TCERG1: variants seen among roughly 807,000 people sequenced by gnomAD.
The protein encoded by TCERG1 is transcription elongation regulator 1, also known as TATA box binding protein (TBP)-associated factor, RNA polymerase II, S, 150kD.
TCERG1 carries 37 observed loss-of-function variants against 144.7 expected under a neutral mutation model. That is an observed-to-expected ratio of 0.26 (90% CI 0.20 to 0.34). TCERG1 has a LOEUF of 0.34. Ranked by LOEUF, TCERG1 falls within the 10% of genes least tolerant of loss-of-function variation. The probability of loss-of-function intolerance (pLI) is 1.00; values close to 1 mark genes in which losing one functional copy is unlikely to be tolerated. For synonymous variants in TCERG1, 492 were observed against 458.2 expected (o/e 1.07, Z -0.94); for missense variants, 1,027 against 1,380.7 (o/e 0.74, Z 4.06).
At chr5:146,505,700 CT>C (rs1767921808) in intron 19 of TCERG1, 1 of 142,204 alleles carries the variant, frequency 7.0e-6, no homozygotes, top group Non-Finnish European at 1.5e-5. Context: ...TTAGACCACC[CT>C]TGTGCTCAGC....
At position 146,507,516 on chromosome 5, in the gene TCERG1, A is replaced by G. The variant is rs917623601; in HGVS notation, c.2961+309A>G. On this transcript the variant is annotated intron_variant, in intron 20 of 22. Transcript: ENST00000679501. This position sits in a 1 kb window ranked among gnomAD's most constrained non-coding sequence, Gnocchi z 4.6. The stretch of plus-strand genomic sequence containing the variant: ...TTTGATCCATTTTCAATTTGGTACT[A>G]TGGCCTCTTGTTCGGCAGTTTGTAC... 5.8e-6 allele frequency: 2 copies of G among 344,760 alleles called. No homozygotes were observed. The highest frequency in any genetic ancestry group is 5.2e-6 in the Non-Finnish European group (1 of 193,506). The allele number at this position is 344,760 out of a possible 1,614,324, so 21.4% of individuals were successfully genotyped here. A position where few individuals can be genotyped will look rare whatever the true frequency, so the allele number is the denominator to read the frequency against.
At chr5:146,476,660 A>T (rs1298834360) in intron 9 of TCERG1, among the ~76,000 whole-genome samples, 2 of 152,228 alleles carry the variant, frequency 1.3e-5, no homozygotes, top group African/African-American at 2.4e-5. Context: ...AGTATTGTAC[A>T]TGAAAAGCTA....
At chr5:146,493,888 G>A (rs952393290) in intron 16 of TCERG1, among the ~76,000 whole-genome samples, 2 of 152,034 alleles carry the variant, frequency 1.3e-5, no homozygotes, top group East Asian at 3.9e-4. Flanking sequence ...TAGCATCATG[G>A]AGTCTCTGGG....
chr5:146,499,672 A>G (rs1451991736), intron 17 of TCERG1: 1 of 152,226 alleles, frequency 6.6e-6, no homozygotes, highest in Non-Finnish European at 1.5e-5. Context: ...TTTTAGAATA[A>G]CCTATTTAAG....
chr5:146,499,351 C>G (rs1403004262), intron 17 of TCERG1, among the ~76,000 whole-genome samples: 1 of 152,146 alleles, frequency 6.6e-6, no homozygotes, highest in Non-Finnish European at 1.5e-5. Context: ...TTAAAATTGC[C>G]TCTTATTCCA....
chr5:146,507,960 A>C lies in TCERG1; in HGVS notation c.3045+4A>C. On this transcript the variant is annotated splice_donor_region_variant and intron_variant, in intron 21 of 22. Coordinates refer to ENST00000679501, the MANE Select transcript of TCERG1 (RefSeq NM_001382548.1). The surrounding 1 kb of genome is among the most constrained non-coding windows in gnomAD (Gnocchi z 4.6). ...TAAGTTCTCCTCCAGTGACAGGGTAAGAGGATTTTGTGTCGAGATTTACTG... is the reference window on the plus strand; with the variant it reads ...TAAGTTCTCCTCCAGTGACAGGGTACGAGGATTTTGTGTCGAGATTTACTG... 1 of 1,599,484 alleles carries C rather than the reference A, an allele frequency of 6.3e-7. No homozygotes were observed. Among genetic ancestry groups the C allele is most frequent in the South Asian group, 1.1e-5 (1 of 87,770 alleles).
At position 146,483,557 on chromosome 5, in the gene TCERG1, G is replaced by A. The variant is rs777818470; in HGVS notation, c.2091G>A (p.Thr697=). ...TTTTAAAGGTGTCTGCTTTTTCAAC[G>A]TGGGAGAAGGAGTTGCACAAGATAG... ...LLERGVSAFS[T]WEKELHKIVF... The change falls in exon 15 of 23, where the codon ACG becomes ACA. Residue 697 remains threonine (T), a synonymous_variant. Transcript: ENST00000679501. The A allele has an allele frequency of 1.4e-5, 23 of 1,612,080 alleles. No individual in the cohort carries two copies. Among genetic ancestry groups the A allele is most frequent in the East Asian group, 8.9e-5 (4 of 44,744 alleles).
intron 1 of TCERG1, among the ~76,000 whole-genome samples, chr5:146,448,924 TA>T (rs1384344679): frequency 2.0e-5 from 3 of 152,180 alleles, no homozygotes; most frequent in Admixed American, 1.3e-4. Context: ...TCTAAAGCTT[TA>T]AAAAAATCCA....
chr5:146,469,626 T>G lies in TCERG1; in HGVS notation c.1281T>G (p.Ala427=). 1 of 1,613,652 alleles carries G rather than the reference T, an allele frequency of 6.2e-7. No homozygotes were observed. Among genetic ancestry groups the G allele is most frequent in the Non-Finnish European group, 8.5e-7 (1 of 1,179,750 alleles). Residue 427 remains alanine, a synonymous_variant, in exon 7 of 23, where the codon GCT becomes GCG. Transcript: ENST00000679501. ...VAIAASPATL[A]GATAVSEWTE... is the part of the protein sequence containing the mutation. The stretch of plus-strand genomic sequence containing the variant: ...TTGCAGCTTCACCTGCTACCTTAGC[T>G]GGAGCAACAGCAGTTTCTGAATGGA...
intron 9 of TCERG1, among the ~76,000 whole-genome samples, chr5:146,473,498 G>C (rs1360725800): frequency 6.6e-6 from 1 of 152,204 alleles, no homozygotes; most frequent in African/African-American, 2.4e-5. Context: ...CTAAACAAGA[G>C]ATTTTCAGTG....
intron 1 of TCERG1, among the ~76,000 whole-genome samples, chr5:146,449,104 T>C (rs1472272788): frequency 6.6e-6 from 1 of 152,210 alleles, no homozygotes; most frequent in Non-Finnish European, 1.5e-5. Flanking sequence ...CTCATGAAAT[T>C]AGGTGTGTAT....
chr5:146,455,913 G>A (rs1375119980), intron 2 of TCERG1, among the ~76,000 whole-genome samples: 1 of 152,188 alleles, frequency 6.6e-6, no homozygotes, highest in African/African-American at 2.4e-5. Flanking sequence ...CTGAGGTGAG[G>A]TCATGAAGGT....
chr5:146,494,923 C>A (rs1306771724), intron 16 of TCERG1, among the ~76,000 whole-genome samples: 1 of 152,028 alleles, frequency 6.6e-6, no homozygotes, highest in Non-Finnish European at 1.5e-5. Flanking sequence ...TATTTTTTAT[C>A]CTGTTTGTTT....
At position 146,507,310 on chromosome 5, in the gene TCERG1, C is replaced by A; in HGVS notation, c.2961+103C>A. 1 of 1,093,344 alleles carries A rather than the reference C, an allele frequency of 9.1e-7. No homozygotes were observed. The highest frequency in any genetic ancestry group is 1.9e-5 in the South Asian group (1 of 51,764). The allele number at this position is 1,093,344 out of a possible 1,614,324, so 67.7% of individuals were successfully genotyped here. A position where few individuals can be genotyped will look rare whatever the true frequency, so the allele number is the denominator to read the frequency against. ...TTTTTAGTGTCATGGTCTTTAGATT[C>A]ATTACTGGAATGCATCTTATGACAA... On this transcript the variant is annotated intron_variant, in intron 20 of 22. Coordinates refer to ENST00000679501, the MANE Select transcript of TCERG1 (RefSeq NM_001382548.1). The surrounding 1 kb of genome is among the most constrained non-coding windows in gnomAD (Gnocchi z 4.6).
At chr5:146,487,277 A>G (rs1765928192) in intron 15 of TCERG1, among the ~76,000 whole-genome samples, 2 of 152,186 alleles carry the variant, frequency 1.3e-5, no homozygotes, top group African/African-American at 4.8e-5. Context: ...CCCCATAAGG[A>G]AGATTATAAG....
intron 15 of TCERG1, 40 bp downstream of exon 15, chr5:146,483,669 T>G (rs200947301): frequency 1.1e-4 from 158 of 1,485,176 alleles, no homozygotes; most frequent in Non-Finnish European, 1.4e-4. Context: ...GTATATCTCT[T>G]GCCAACATAG....
intron 9 of TCERG1, 65 bp from the exon 10 acceptor site, chr5:146,478,428 A>G: frequency 6.9e-7 from 1 of 1,453,384 alleles, no homozygotes; most frequent in Admixed American, 2.5e-5. Context: ...AACAGGCTGA[A>G]AGAAGTCCTA....
chr5:146,484,962 T>C (rs1765696001), intron 15 of TCERG1, among the ~76,000 whole-genome samples: 2 of 152,230 alleles, frequency 1.3e-5, no homozygotes, highest in African/African-American at 4.8e-5. Context: ...GCAGCCAGGC[T>C]AATTTTAAAG....
At chr5:146,487,922 A>C (rs556843229) in intron 15 of TCERG1, among the ~76,000 whole-genome samples, 7 of 152,306 alleles carry the variant, frequency 4.6e-5, no homozygotes, top group Non-Finnish European at 8.8e-5. Context: ...AAAGGAACAG[A>C]ATAGGGAACT....
Sources: allele counts gnomAD v4.1 joint callset (sites outside exome capture counted in the v4.1 genomes callset), GRCh38; gene constraint gnomAD v4.1.1; non-coding constraint Gnocchi (gnomAD v3.1); transcripts MANE v1.5; gene names NCBI Gene and HGNC (gene_info 2026-07-23, HGNC 2026-07-21).